Variants in CYP3A5 observed in about 807,000 individuals in gnomAD.
CYP3A5 encodes cytochrome P450 3A5.
A neutral mutation model predicts 55.9 loss-of-function variants in CYP3A5; 51 were observed. The ratio of observed to expected loss-of-function variants is 0.91; its 90% CI spans 0.73 to 1.15. The LOEUF (loss-of-function observed/expected upper bound fraction) is 1.15, where lower values mean the gene tolerates loss of function less well. Among genes scored for constraint, CYP3A5 ranks in the 50% most tolerant of loss-of-function variants. The pLI is 0.00. For synonymous variants in CYP3A5, 196 were observed against 213.9 expected (o/e 0.92, Z 0.73); for missense variants, 533 against 596.6 (o/e 0.89, Z 1.11).
intron 3 of CYP3A5, 137 bp downstream of exon 3, chr7:99,674,396 T>G: frequency 1.7e-6 from 1 of 595,814 alleles, no homozygotes; most frequent in East Asian, 2.9e-5. Context: ...ATCCTCTTCT[T>G]TCAGAGAACC....
Position 99,675,643 on chromosome 7 carries a change from TCCCCC to T in CYP3A5, c.165+467_165+471del, listed in dbSNP as rs796379651. On this transcript the variant is annotated intron_variant, in intron 2 of 12. Transcript: ENST00000222982. ...TCTCCTTTTCTCTCCTCTCCTCTCC[TCCCCC>T]CTCCCCTCCCCTCCCCTCCCCTCTC... Among the ~76,000 whole-genome samples the T allele has an allele frequency of 1.2e-3, 17 of 14,370 alleles. 1 individual carries two copies. The highest frequency in any genetic ancestry group is 2.6e-3 in the African/African-American group (6 of 2,306). The allele number at this position is 14,370 out of a possible 152,430, so 9.4% of individuals were successfully genotyped here.
intron 11 of CYP3A5, 145 bp downstream of exon 11, chr7:99,652,408 T>A: frequency 1.7e-6 from 1 of 598,672 alleles, no homozygotes; most frequent in Non-Finnish European, 2.8e-6. Flanking sequence ...GTTTGTAAAG[T>A]TTGATAATTA....
chr7:99,672,507 A>G, intron 4 of CYP3A5, 73 bp downstream of exon 4: 4 of 1,300,892 alleles, frequency 3.1e-6, no homozygotes, highest in South Asian at 2.4e-5. Flanking sequence ...TTCTGTGAAT[A>G]TATGTTTTTT....
chr7:99,677,060 C>T (rs1430687433), intron 1 of CYP3A5: 2 of 446,234 alleles, frequency 4.5e-6, no homozygotes, highest in East Asian at 1.6e-4. Flanking sequence ...AACCAGAAAG[C>T]AGTCAGTTCA....
Position 99,671,916 on chromosome 7 carries a change from C to T in CYP3A5, c.318+664G>A, listed in dbSNP as rs1333401241. ...AAAATTGCTTAGAACTACCCACACACATAAACACACACAAACAAGGGCATG... is the reference window on the plus strand; with the variant it reads ...AAAATTGCTTAGAACTACCCACACATATAAACACACACAAACAAGGGCATG... On this transcript the variant is annotated intron_variant, in intron 4 of 12. Coordinates refer to ENST00000222982, the MANE Select transcript of CYP3A5 (RefSeq NM_000777.5). 7 of 695,606 alleles carry T rather than the reference C, an allele frequency of 1.0e-5. No individual in the cohort carries two copies. In the Middle Eastern group the frequency reaches 6.9e-4, roughly 69 times the overall value. The allele number at this position is 695,606 out of a possible 1,614,324, so 43.1% of individuals were successfully genotyped here. A position where few individuals can be genotyped will look rare whatever the true frequency, so the allele number is the denominator to read the frequency against.
In CYP3A5 at chr7:99,660,577, G is replaced by A. The variant is rs1159309906; in HGVS notation, c.948C>T (p.Phe316=). The change falls in exon 10 of 13, where the codon TTC becomes TTT. Residue 316 remains phenylalanine (F), a synonymous_variant. Transcript: ENST00000222982. ...GYETTSSVLS[F]TLYELATHPD... Reference sequence around the variant, plus strand: ...GGTGAGTGGCCAGTTCATATAAAGTGAAGGAAAGAACACTGCTGGTGGTTT... The same window carrying A: ...GGTGAGTGGCCAGTTCATATAAAGTAAAGGAAAGAACACTGCTGGTGGTTT... The A allele has an allele frequency of 1.2e-6, 2 of 1,614,006 alleles. No homozygotes were observed. The highest frequency in any genetic ancestry group is 8.5e-7 in the Non-Finnish European group (1 of 1,179,986).
chr7:99,664,060 A>G lies in CYP3A5; in HGVS notation c.706T>C (p.Leu236=), dbSNP rs373930334. ...TCTTTTGGAAACAGAGAGACATTTA[A>G]TGCTTCAAAAACTGGGGTAAGGAAT... ...FPFLTPVFEA[L]NVSLFPKDTI... Residue 236 remains leucine (L), a synonymous_variant, in exon 8 of 13, where the codon TTA becomes CTA. Coordinates refer to ENST00000222982, the MANE Select transcript of CYP3A5 (RefSeq NM_000777.5). The G allele has an allele frequency of 1.9e-6, 3 of 1,596,192 alleles. No individual in the cohort carries two copies. The African/African-American group carries it at 4.1e-5, about 22-fold the overall frequency.
chr7:99,655,437 T>C (rs548219082), intron 10 of CYP3A5, among the ~76,000 whole-genome samples: 3 of 152,358 alleles, frequency 2.0e-5, no homozygotes, highest in African/African-American at 7.2e-5. Context: ...CATTGATCAA[T>C]ATCTCTGTTT....
rs1809645473 is a variant in CYP3A5 at position 99,655,660 on chromosome 7, T to C, written c.1027-2881A>G. On this transcript the variant is annotated intron_variant, in intron 10 of 12. Transcript: ENST00000222982. ...TGGCGATGGCACTGAATCTATAAATTACCTTGGGCAGTATGGCCATTTTCA... is the reference window on the plus strand; with the variant it reads ...TGGCGATGGCACTGAATCTATAAATCACCTTGGGCAGTATGGCCATTTTCA... 1.3e-5 allele frequency among the ~76,000 whole-genome samples: 2 copies of C among 152,234 alleles called. 1 individual carries two copies. The highest frequency in any genetic ancestry group is 1.3e-4 in the Admixed American group (2 of 15,288).
chr7:99,648,969 G>A (rs957040057), intron 12 of CYP3A5, among the ~76,000 whole-genome samples: 13 of 152,098 alleles, frequency 8.5e-5, no homozygotes, highest in Admixed American at 6.5e-4. Flanking sequence ...TAGTGCAAAC[G>A]GGGAATTTCT....
chr7:99,666,508 T>C lies in CYP3A5; in HGVS notation c.521+93A>G, dbSNP rs575071331. 3.7e-6 allele frequency: 5 copies of C among 1,353,556 alleles called. No homozygotes were observed. The South Asian group carries it at 5.9e-5, about 16-fold the overall frequency. The allele number at this position is 1,353,556 out of a possible 1,614,324, so 83.8% of individuals were successfully genotyped here. A position where few individuals can be genotyped will look rare whatever the true frequency, so the allele number is the denominator to read the frequency against. On this transcript the variant is annotated intron_variant, in intron 6 of 12. Transcript: ENST00000222982. ...CGCTGCCCTGCTTTTGTCTGGTCACTGGAGTAACCCAACAGTGCGACTGTC... is the reference window on the plus strand; with the variant it reads ...CGCTGCCCTGCTTTTGTCTGGTCACCGGAGTAACCCAACAGTGCGACTGTC...
chr7:99,657,057 A>G (rs1809817773), intron 10 of CYP3A5, among the ~76,000 whole-genome samples: 1 of 151,978 alleles, frequency 6.6e-6, no homozygotes, highest in Non-Finnish European at 1.5e-5. Flanking sequence ...ATTTTTTTGA[A>G]GGGTTTTTTT....
intron 4 of CYP3A5, chr7:99,671,510 G>C (rs1161094285): frequency 2.3e-5 from 7 of 299,336 alleles, no homozygotes; most frequent in Non-Finnish European, 4.4e-5. Context: ...TTCCAAAATG[G>C]TGTTGGAACA....
At chr7:99,656,608 G>A (rs1809765248) in intron 10 of CYP3A5, among the ~76,000 whole-genome samples, 2 of 152,176 alleles carry the variant, frequency 1.3e-5, no homozygotes, top group Non-Finnish European at 2.9e-5. Context: ...AATGAGTTAG[G>A]GAGGATTCCC....
chr7:99,677,269 G>T (rs1812380556), intron 1 of CYP3A5: 1 of 984,944 alleles, frequency 1.0e-6, no homozygotes, highest in African/African-American at 1.7e-5. Context: ...GAAGGAAGAG[G>T]TTGCCAGACA....
rs1252656182 is a variant in CYP3A5 at position 99,676,201 on chromosome 7, TC to T, written c.78del (p.Thr27ProfsTer63). On this transcript the variant is annotated frameshift_variant, in exon 2 of 13. Transcript: ENST00000222982. LOFTEE classifies it high-confidence loss of function. ...AVSLVLLYLY[G>X]TRTHGLFKRL... ...CTCTTAAAAAGTCCATGTGTACGGG[TC>T]CCATATCTACAAAGTGAAACAGAAA... is the stretch of plus-strand genomic sequence containing the variant. 2 of 1,613,632 alleles carry T rather than the reference TC, an allele frequency of 1.2e-6. No homozygotes were observed. The highest frequency in any genetic ancestry group is 1.7e-6 in the Non-Finnish European group (2 of 1,179,792).
intron 4 of CYP3A5, among the ~76,000 whole-genome samples, chr7:99,668,601 A>G (rs1205196917): frequency 6.6e-6 from 1 of 152,260 alleles, no homozygotes; most frequent in Non-Finnish European, 1.5e-5. Flanking sequence ...ATGGACTAGT[A>G]TCCATAATTT....
intron 4 of CYP3A5, among the ~76,000 whole-genome samples, chr7:99,667,627 A>T (rs1310413622): frequency 3.3e-5 from 5 of 152,254 alleles, no homozygotes; most frequent in Non-Finnish European, 7.3e-5. Context: ...CATAAATAGA[A>T]GGAAAAAGAA....
intron 4 of CYP3A5, among the ~76,000 whole-genome samples, chr7:99,670,054 G>A (rs1023584135): frequency 5.3e-5 from 8 of 152,104 alleles, no homozygotes; most frequent in African/African-American, 9.7e-5. Context: ...TTGAATCATC[G>A]CTAGTTTCAG....
Sources: gnomAD v4.1 joint callset for allele counts (sites outside exome capture counted in the v4.1 genomes callset) on GRCh38, gnomAD v4.1.1 for gene constraint, MANE v1.5 for transcripts, NCBI Gene and HGNC (gene_info 2026-07-23, HGNC 2026-07-21) for gene names.